ERBB4: variants seen among roughly 807,000 people sequenced by gnomAD.
The protein encoded by ERBB4 is receptor tyrosine-protein kinase erbB-4.
A neutral mutation model predicts 158.0 loss-of-function variants in ERBB4; 42 were observed. The observed-to-expected ratio is 0.27, with a 90% CI of 0.21 to 0.34. ERBB4 has a LOEUF of 0.34. Ranked by LOEUF, ERBB4 falls within the 10% of genes least tolerant of loss-of-function variation. ERBB4 has a pLI of 1.00. For missense variants in ERBB4, 1,333 were observed against 1,624.1 expected, an observed-to-expected ratio of 0.82 and a Z score of 3.08; for synonymous variants, 583 against 558.7, an observed-to-expected ratio of 1.04 and a Z score of -0.61.
chr2:211,722,180 C>T (rs2106121333), intron 7 of ERBB4, among the ~76,000 whole-genome samples: 1 of 152,156 alleles, frequency 6.6e-6, no homozygotes, highest in African/African-American at 2.4e-5. Flanking sequence ...GTTTTATAAC[C>T]TCAAACATGT....
chr2:211,591,101 C>T (rs16846537), intron 19 of ERBB4, among the ~76,000 whole-genome samples: 1,916 of 152,238 alleles, frequency 0.013, 36 homozygotes, highest in African/African-American at 0.043. Flanking sequence ...ATTCTAGTGG[C>T]TACCCAGCAA....
At chr2:211,730,111 A>G (rs1299601949) in intron 5 of ERBB4, among the ~76,000 whole-genome samples, 1 of 151,972 alleles carries the variant, frequency 6.6e-6, no homozygotes, top group East Asian at 1.9e-4. Context: ...TTAAAAAATC[A>G]TTAAGTAGCT....
chr2:212,490,961 ATTCTT>A (rs1484082711), intron 1 of ERBB4, among the ~76,000 whole-genome samples: 6 of 151,816 alleles, frequency 4.0e-5, no homozygotes, highest in Admixed American at 3.3e-4. Flanking sequence ...CCAATTTCTT[ATTCTT>A]TTGAGTCAGT....
intron 20 of ERBB4, among the ~76,000 whole-genome samples, chr2:211,498,493 A>G (rs560694842): frequency 6.3e-4 from 96 of 152,252 alleles, no homozygotes; most frequent in African/African-American, 2.3e-3. Context: ...TCTAAATATC[A>G]TCACTGCCAA....
chr2:212,345,459 T>G (rs1293468976), intron 1 of ERBB4, among the ~76,000 whole-genome samples: 1 of 151,868 alleles, frequency 6.6e-6, no homozygotes, highest in Non-Finnish European at 1.5e-5. Context: ...GATGGAGAGG[T>G]ACTAGCTCAG....
rs76710211 is a variant in ERBB4, at chr2:212,018,973, T to A, written c.235-71357A>T. Among the ~76,000 whole-genome samples, 889 of 152,142 alleles carry A rather than the reference T, an allele frequency of 5.8e-3. 13 individuals are homozygous for A. The highest frequency in any genetic ancestry group is 0.02 in the African/African-American group (835 of 41,504). ...TACATTAAAAAGTGAGGGGGAGCGG[T>A]GGTTATGGGAGCTCATAACTACTGT... On this transcript the variant is annotated intron_variant, in intron 2 of 27. Coordinates refer to ENST00000342788, the MANE Select transcript of ERBB4 (RefSeq NM_005235.3).
chr2:212,172,878 T>A (rs1450532730), intron 1 of ERBB4, among the ~76,000 whole-genome samples: 2 of 152,070 alleles, frequency 1.3e-5, no homozygotes, highest in African/African-American at 4.8e-5. Context: ...CAGTAAACCA[T>A]TATGGCACAC....
At chr2:211,832,302 G>T (rs922143393) in intron 3 of ERBB4, among the ~76,000 whole-genome samples, 2 of 152,018 alleles carry the variant, frequency 1.3e-5, no homozygotes, top group African/African-American at 4.8e-5. Flanking sequence ...TGTCCTTACT[G>T]AGAATAATTT....
chr2:212,175,315 T>C (rs577353345), intron 1 of ERBB4, among the ~76,000 whole-genome samples: 3 of 152,152 alleles, frequency 2.0e-5, no homozygotes, highest in South Asian at 2.1e-4. Context: ...TCTAGAACTA[T>C]ACAATACCAA....
chr2:211,923,542 G>A (rs2079929528), intron 3 of ERBB4, among the ~76,000 whole-genome samples: 1 of 152,062 alleles, frequency 6.6e-6, no homozygotes, highest in African/African-American at 2.4e-5. Context: ...ATCTTCATGA[G>A]ATGGTGTTGG....
chr2:211,758,558 A>G (rs2075337067), intron 4 of ERBB4, among the ~76,000 whole-genome samples: 1 of 152,204 alleles, frequency 6.6e-6, no homozygotes, highest in South Asian at 2.1e-4. Context: ...ATTAGTTCCA[A>G]TCAATGTCAA....
intron 17 of ERBB4, among the ~76,000 whole-genome samples, chr2:211,629,978 T>C (rs1012164964): frequency 1.3e-5 from 2 of 152,196 alleles, no homozygotes; most frequent in Non-Finnish European, 2.9e-5. Flanking sequence ...ATTCAGGACA[T>C]AGGCATGGGC....
chr2:211,454,723 T>A (rs540744005), intron 20 of ERBB4, among the ~76,000 whole-genome samples: 1 of 152,212 alleles, frequency 6.6e-6, no homozygotes, highest in Non-Finnish European at 1.5e-5. Context: ...ATTGGGATGA[T>A]TGTAATTGAT....
intron 1 of ERBB4, among the ~76,000 whole-genome samples, chr2:212,184,652 G>A (rs1575764323): frequency 1.3e-5 from 2 of 150,210 alleles, no homozygotes; most frequent in Admixed American, 1.3e-4. Flanking sequence ...GTTTGTTTTT[G>A]TTTATTTTAC....
rs1298887418 is a variant in ERBB4, at chr2:211,851,586, T to C, written c.422-63427A>G. Reference sequence around the variant, plus strand: ...AATATGGTAACAAACATATGTAAGTTGAAGAGCATATTTGCTGTAAAACAT... The same window carrying C: ...AATATGGTAACAAACATATGTAAGTCGAAGAGCATATTTGCTGTAAAACAT... On this transcript the variant is annotated intron_variant, in intron 3 of 27. Coordinates refer to ENST00000342788, the MANE Select transcript of ERBB4 (RefSeq NM_005235.3). Among the ~76,000 whole-genome samples, 6 of 152,012 alleles carry C rather than the reference T, an allele frequency of 3.9e-5. No individual in the cohort carries two copies. The East Asian group carries it at 7.7e-4, about 20-fold the overall frequency.
At chr2:211,966,087 G>T (rs1259218002) in intron 2 of ERBB4, among the ~76,000 whole-genome samples, 1 of 152,066 alleles carries the variant, frequency 6.6e-6, no homozygotes, top group Non-Finnish European at 1.5e-5. Flanking sequence ...TGTGGCACAT[G>T]CCTGTGGTCC....
intron 1 of ERBB4, among the ~76,000 whole-genome samples, chr2:212,268,284 T>C (rs760649134): frequency 1.3e-5 from 2 of 151,862 alleles, no homozygotes; most frequent in Non-Finnish European, 2.9e-5. Context: ...TTTAATGAGA[T>C]AGAAATGACA....
chr2:211,893,598 G>A (rs989038160), intron 3 of ERBB4, among the ~76,000 whole-genome samples: 1 of 140,880 alleles, frequency 7.1e-6, no homozygotes. Context: ...CACAGCAAAA[G>A]AAGCTACCAT....
intron 2 of ERBB4, among the ~76,000 whole-genome samples, chr2:212,011,501 A>G (rs1453245283): frequency 6.6e-6 from 1 of 152,128 alleles, no homozygotes; most frequent in Non-Finnish European, 1.5e-5. Context: ...CTGTAATCCC[A>G]GCACCCTGGG....
Sources: allele counts gnomAD v4.1 joint callset (sites outside exome capture counted in the v4.1 genomes callset), GRCh38; gene constraint gnomAD v4.1.1; transcripts MANE v1.5; gene names NCBI Gene and HGNC (gene_info 2026-07-23, HGNC 2026-07-21).